PCDH15: variants seen among roughly 807,000 people sequenced by gnomAD.
PCDH15 encodes protocadherin related 15.
Under a neutral mutation model 178.5 loss-of-function variants are expected in PCDH15, and 129 were observed. That is an observed-to-expected ratio of 0.72 (90% confidence interval 0.63 to 0.84). The LOEUF is 0.84. Among genes scored for constraint, PCDH15 ranks in the 40% least tolerant of loss-of-function variants. The pLI is 0.00. For synonymous variants in PCDH15, 800 were observed against 732.0 expected, an observed-to-expected ratio of 1.09 and a Z score of -1.50; for missense variants, 2,230 against 2,099.9, an observed-to-expected ratio of 1.06 and a Z score of -1.21.
At chr10:55,467,572 C>T (rs1284215227) in intron 2 of PCDH15, among the ~76,000 whole-genome samples, 2 of 151,844 alleles carry the variant, frequency 1.3e-5, no homozygotes, top group Admixed American at 1.3e-4. Context: ...TATTTAAGTT[C>T]CAGTAAGAGA....
chr10:54,069,032 C>T (rs1565176559), intron 17 of PCDH15, among the ~76,000 whole-genome samples: 1 of 152,146 alleles, frequency 6.6e-6, no homozygotes, highest in Admixed American at 6.6e-5. Context: ...GGCTACCATG[C>T]TTTCATGACA....
At chr10:54,700,793 G>A (rs1384800524) in intron 1 of PCDH15, among the ~76,000 whole-genome samples, 1 of 151,982 alleles carries the variant, frequency 6.6e-6, no homozygotes, top group African/African-American at 2.4e-5. Flanking sequence ...ACCATATTTT[G>A]GGATATAGGC....
At chr10:54,746,588 A>T (rs1193509708) in intron 1 of PCDH15, among the ~76,000 whole-genome samples, 1 of 152,206 alleles carries the variant, frequency 6.6e-6, no homozygotes, top group Non-Finnish European at 1.5e-5. Context: ...CCCCATAAAT[A>T]TATTCACCTA....
chr10:55,390,040 C>T (rs757101750), intron 2 of PCDH15, among the ~76,000 whole-genome samples: 1 of 152,016 alleles, frequency 6.6e-6, no homozygotes, highest in Non-Finnish European at 1.5e-5. Flanking sequence ...TTATTACAGG[C>T]ACAACTCAGA....
At chr10:54,415,874 A>T (rs1954280306) in intron 3 of PCDH15, among the ~76,000 whole-genome samples, 1 of 152,186 alleles carries the variant, frequency 6.6e-6, no homozygotes, top group Admixed American at 6.6e-5. Context: ...TTCCCATACA[A>T]ATCATTTGAT....
chr10:55,519,697 A>G (rs908813947), intron 2 of PCDH15, among the ~76,000 whole-genome samples: 1 of 151,890 alleles, frequency 6.6e-6, no homozygotes, highest in African/African-American at 2.4e-5. Flanking sequence ...TTTAAAATGT[A>G]TGATAGATTT....
intron 3 of PCDH15, among the ~76,000 whole-genome samples, chr10:54,859,993 C>G (rs534722480): frequency 1.3e-5 from 2 of 152,064 alleles, no homozygotes; most frequent in African/African-American, 2.4e-5. Flanking sequence ...CTCAGACTTA[C>G]CATGCAACTC....
At chr10:54,904,779 C>CTAATAA in intron 2 of PCDH15, among the ~76,000 whole-genome samples, 1 of 151,680 alleles carries the variant, frequency 6.6e-6, no homozygotes, top group African/African-American at 2.4e-5. Context: ...TGCCCCACTT[C>CTAATAA]CTTAACTCTA....
At chr10:54,202,551 G>A (rs7476954) in intron 10 of PCDH15, among the ~76,000 whole-genome samples, 137,674 of 152,130 alleles carry the variant, frequency 0.9, 62,496 homozygotes, top group East Asian at 0.98. Flanking sequence ...AGTGTCTCAC[G>A]CCTGTAATCC....
At chr10:55,219,313 C>T (rs897258662) in intron 1 of PCDH15, among the ~76,000 whole-genome samples, 10 of 151,762 alleles carry the variant, frequency 6.6e-5, no homozygotes, top group African/African-American at 1.9e-4. Context: ...CTGATTGTGC[C>T]TTCTTTCATC....
chr10:55,587,362 T>C (rs977551832), intron 2 of PCDH15, among the ~76,000 whole-genome samples: 4 of 152,074 alleles, frequency 2.6e-5, no homozygotes, highest in African/African-American at 4.8e-5. Flanking sequence ...GGCTTTTTAA[T>C]TATTTAAATG....
chr10:55,243,907 G>C (rs1841619379), intron 1 of PCDH15, among the ~76,000 whole-genome samples: 1 of 151,984 alleles, frequency 6.6e-6, no homozygotes, highest in Non-Finnish European at 1.5e-5. Flanking sequence ...TTCTCACTTA[G>C]CTTGTCATTT....
At chr10:54,879,415 G>A in intron 3 of PCDH15, among the ~76,000 whole-genome samples, 1 of 152,074 alleles carries the variant, frequency 6.6e-6, no homozygotes. Flanking sequence ...TGAGGGAGCT[G>A]AAGCTTACCC....
chr10:54,336,702 C>G (rs1436603554), intron 6 of PCDH15, among the ~76,000 whole-genome samples: 2 of 152,220 alleles, frequency 1.3e-5, no homozygotes, highest in Non-Finnish European at 2.9e-5. Context: ...GCAGGGCCCT[C>G]ATGGAGAACC....
chr10:54,594,818 G>C (rs755005516), intron 2 of PCDH15, among the ~76,000 whole-genome samples: 6 of 152,082 alleles, frequency 3.9e-5, no homozygotes, highest in African/African-American at 1.4e-4. Context: ...AGCATTGGAG[G>C]GCATATAGTT....
chr10:54,405,429 A>T (rs1358925754), intron 3 of PCDH15, among the ~76,000 whole-genome samples: 1 of 152,090 alleles, frequency 6.6e-6, no homozygotes, highest in Admixed American at 6.6e-5. Context: ...AAACAAATGC[A>T]GGAACAGAAA....
At chr10:54,693,692 A>C (rs1485437710) in intron 1 of PCDH15, among the ~76,000 whole-genome samples, 8 of 152,138 alleles carry the variant, frequency 5.3e-5, no homozygotes. Context: ...ATGAATAGGG[A>C]AAGACTCTCT....
At chr10:54,560,990 T>G (rs529555340) in intron 2 of PCDH15, among the ~76,000 whole-genome samples, 54 of 152,206 alleles carry the variant, frequency 3.5e-4, no homozygotes, top group African/African-American at 1.3e-3. Context: ...GTGTAAAAAT[T>G]GTTTTCTTTT....
intron 18 of PCDH15, among the ~76,000 whole-genome samples, chr10:54,061,984 G>C (rs2094024788): frequency 6.6e-6 from 1 of 151,828 alleles, no homozygotes; most frequent in Non-Finnish European, 1.5e-5. Context: ...CAGCACTTTG[G>C]GAGGCCAAGG....
Sources: allele counts gnomAD v4.1 joint callset (sites outside exome capture counted in the v4.1 genomes callset), GRCh38; gene constraint gnomAD v4.1.1; transcripts MANE v1.5; gene names NCBI Gene and HGNC (gene_info 2026-07-23, HGNC 2026-07-21).